The following MACROD2 variants were observed in gnomAD, a reference collection of about 807,000 sequenced individuals.
MACROD2 encodes the protein ADP-ribose glycohydrolase MACROD2.
MACROD2 carries 36 observed loss-of-function variants against 70.4 expected under a neutral mutation model. The observed-to-expected ratio is 0.51, with a 90% CI of 0.39 to 0.68. MACROD2 has a LOEUF of 0.68. MACROD2 is among the 30% of genes least tolerant of loss of function. MACROD2 has a pLI of 0.00. For synonymous variants in MACROD2, 172 were observed against 178.8 expected (o/e 0.96, Z 0.30); for missense variants, 496 against 538.4 (o/e 0.92, Z 0.78).
intron 12 of MACROD2, among the ~76,000 whole-genome samples, chr20:15,955,164 G>A (rs1359410893): frequency 1.3e-5 from 2 of 152,118 alleles, no homozygotes; most frequent in Non-Finnish European, 2.9e-5. Context: ...GGGAAAAAGA[G>A]CATCTTTGAA....
chr20:14,619,208 G>C (rs1983657758), intron 4 of MACROD2, among the ~76,000 whole-genome samples: 1 of 151,694 alleles, frequency 6.6e-6, no homozygotes, highest in African/African-American at 2.4e-5. Flanking sequence ...CTTTGTTCTT[G>C]AAATTTTTAT....
chr20:14,670,899 G>A (rs181859234), intron 4 of MACROD2, among the ~76,000 whole-genome samples: 78 of 152,184 alleles, frequency 5.1e-4, no homozygotes, highest in Non-Finnish European at 6.0e-4. Flanking sequence ...TCTTAGGCAG[G>A]AAGGTGGATG....
At chr20:15,086,607 T>C (rs1196092783) in intron 5 of MACROD2, among the ~76,000 whole-genome samples, 1 of 152,174 alleles carries the variant, frequency 6.6e-6, no homozygotes, top group Admixed American at 6.5e-5. Context: ...TTATTTTACC[T>C]ACCCTTTAGT....
intron 3 of MACROD2, among the ~76,000 whole-genome samples, chr20:14,370,264 A>G (rs2122743388): frequency 6.6e-6 from 1 of 152,246 alleles, no homozygotes; most frequent in Admixed American, 6.5e-5. Context: ...ATTAGCAGTT[A>G]ATGGAAGAAA....
chr20:14,043,805 G>C (rs1377168399), intron 2 of MACROD2, among the ~76,000 whole-genome samples: 2 of 152,262 alleles, frequency 1.3e-5, no homozygotes, highest in South Asian at 4.1e-4. Context: ...CATGTGAAAG[G>C]AGGGAAAGAG....
In MACROD2 at chr20:15,161,080, T is replaced by C. The variant is rs142058674; in HGVS notation, c.419-68860T>C. 2.6e-3 allele frequency among the ~76,000 whole-genome samples: 389 copies of C among 152,160 alleles called. 1 individual carries two copies. Among genetic ancestry groups the C allele is most frequent in the African/African-American group, 8.8e-3 (364 of 41,548 alleles). On this transcript the variant is annotated intron_variant, in intron 5 of 17. Transcript: ENST00000684519. ...TATTAGATAGTTCACCTTTAAATCC[T>C]GGTTTTGCCTCATTGCCATGTGGAT...
At chr20:15,974,851 G>T (rs2066282069) in intron 13 of MACROD2, among the ~76,000 whole-genome samples, 1 of 152,016 alleles carries the variant, frequency 6.6e-6, no homozygotes, top group Non-Finnish European at 1.5e-5. Context: ...TGAAATGCAG[G>T]CATACACATA....
intron 2 of MACROD2, among the ~76,000 whole-genome samples, chr20:14,046,105 G>A (rs2053470425): frequency 6.6e-6 from 1 of 152,146 alleles, no homozygotes; most frequent in South Asian, 2.1e-4. Context: ...ATTAAAGTGT[G>A]AATCATTAAA....
chr20:14,130,317 G>A (rs1194712182), intron 3 of MACROD2, among the ~76,000 whole-genome samples: 2 of 152,198 alleles, frequency 1.3e-5, no homozygotes, highest in Non-Finnish European at 2.9e-5. Flanking sequence ...GGAGGCCAAG[G>A]TGGGTGGATC....
At position 14,887,026 on chromosome 20, in the gene MACROD2, G is replaced by A. The variant is rs1280338586; in HGVS notation, c.418+202067G>A. Among the ~76,000 whole-genome samples the A allele has an allele frequency of 2.0e-5, 3 of 152,032 alleles. No individual in the cohort carries two copies. The South Asian group carries it at 6.2e-4, about 32-fold the overall frequency. On this transcript the variant is annotated intron_variant, in intron 5 of 17. Transcript: ENST00000684519. ...ATAGTGAATGCTTTTTTGATTTTTG[G>A]CAGAGGATGGGAGGCACTTCCATTT...
At chr20:14,458,759 A>G (rs1296599379) in intron 3 of MACROD2, among the ~76,000 whole-genome samples, 4 of 152,144 alleles carry the variant, frequency 2.6e-5, no homozygotes, top group African/African-American at 9.7e-5. Flanking sequence ...GAAAAACCTG[A>G]AATATACTGA....
intron 8 of MACROD2, among the ~76,000 whole-genome samples, chr20:15,822,455 TA>T (rs1413665643): frequency 6.6e-6 from 1 of 152,190 alleles, no homozygotes; most frequent in African/African-American, 2.4e-5. Context: ...TTTGAAGTCA[TA>T]ACTTAATTAC....
At chr20:16,009,295 A>C (rs759115862) in intron 15 of MACROD2, among the ~76,000 whole-genome samples, 10 of 152,180 alleles carry the variant, frequency 6.6e-5, no homozygotes, top group Non-Finnish European at 1.3e-4. Flanking sequence ...ATTTGTATAG[A>C]AGCCTGACAA....
intron 6 of MACROD2, among the ~76,000 whole-genome samples, chr20:15,257,237 T>C (rs1410887790): frequency 6.6e-6 from 1 of 152,000 alleles, no homozygotes; most frequent in Non-Finnish European, 1.5e-5. Context: ...ATTTATGTCA[T>C]GCGAAATGAA....
chr20:14,852,175 C>G (rs1358900776), intron 5 of MACROD2, among the ~76,000 whole-genome samples: 1 of 151,990 alleles, frequency 6.6e-6, no homozygotes, highest in Non-Finnish European at 1.5e-5. Flanking sequence ...GCTAAGGAGA[C>G]AGGGAAAGAG....
At chr20:15,077,385 A>G (rs959647273) in intron 5 of MACROD2, among the ~76,000 whole-genome samples, 1 of 152,192 alleles carries the variant, frequency 6.6e-6, no homozygotes, top group African/African-American at 2.4e-5. Flanking sequence ...ATGAATGAGT[A>G]GGGAAAAAAA....
At chr20:14,329,688 A>G (rs1170552264) in intron 3 of MACROD2, among the ~76,000 whole-genome samples, 2 of 152,154 alleles carry the variant, frequency 1.3e-5, no homozygotes, top group African/African-American at 4.8e-5. Context: ...AGAGGTGAGC[A>G]AATACATTAA....
chr20:14,316,675 A>G (rs1226226322), intron 3 of MACROD2, among the ~76,000 whole-genome samples: 1 of 152,170 alleles, frequency 6.6e-6, no homozygotes, highest in East Asian at 1.9e-4. Context: ...CAAAAGATTG[A>G]ACACCCCTGA....
At chr20:14,166,133 G>C (rs1349428001) in intron 3 of MACROD2, among the ~76,000 whole-genome samples, 2 of 152,132 alleles carry the variant, frequency 1.3e-5, no homozygotes, top group Non-Finnish European at 2.9e-5. Flanking sequence ...CACACAGATT[G>C]TCCCTTGAGG....
Sources: allele counts gnomAD v4.1 joint callset (sites outside exome capture counted in the v4.1 genomes callset), GRCh38; gene constraint gnomAD v4.1.1; transcripts MANE v1.5; gene names NCBI Gene and HGNC (gene_info 2026-07-23, HGNC 2026-07-21).